The following FETUB variants were observed in gnomAD, a reference collection of about 807,000 sequenced individuals.
FETUB encodes fetuin-B.
Under a neutral mutation model 30.9 loss-of-function variants are expected in FETUB, and 28 were observed. The ratio of observed to expected loss-of-function variants is 0.90; its 90% CI spans 0.67 to 1.24. The LOEUF (loss-of-function observed/expected upper bound fraction) is 1.24, where lower values mean the gene tolerates loss of function less well. FETUB is among the 50% of genes most tolerant of loss of function. The pLI, the probability that FETUB is intolerant of heterozygous loss-of-function variation, is 0.00. For synonymous variants in FETUB, 186 were observed against 175.9 expected (o/e 1.06, Z -0.45); for missense variants, 469 against 455.3 (o/e 1.03, Z -0.27).
intron 5 of FETUB, among the ~76,000 whole-genome samples, chr3:186,650,686 A>T (rs1271634608): frequency 6.6e-6 from 1 of 152,178 alleles, no homozygotes; most frequent in Non-Finnish European, 1.5e-5. Flanking sequence ...AAATCACTGC[A>T]GGTAACAAAT....
upstream of FETUB, among the ~76,000 whole-genome samples, chr3:186,637,014 T>G (rs1716795270): frequency 1.3e-5 from 2 of 152,156 alleles, no homozygotes; most frequent in African/African-American, 4.8e-5. Context: ...ATAGGTTGGA[T>G]GCAAACCCTG....
chr3:186,651,195 T>G (rs1226179251), intron 5 of FETUB, 23 bp from the exon 6 acceptor site: 2 of 1,529,704 alleles, frequency 1.3e-6, no homozygotes, highest in Non-Finnish European at 1.8e-6. Context: ...AATACTCACA[T>G]GACATTGTAT....
chr3:186,650,790 TAAGTA>T (rs1414139386), intron 5 of FETUB, among the ~76,000 whole-genome samples: 1 of 152,208 alleles, frequency 6.6e-6, no homozygotes, highest in Non-Finnish European at 1.5e-5. Context: ...ACTTTACTTT[TAAGTA>T]AAGAGAAATT....
intron 3 of FETUB, among the ~76,000 whole-genome samples, 194 bp from the exon 4 acceptor site, chr3:186,644,556 CT>C (rs768533002): frequency 2.0e-5 from 3 of 152,058 alleles, no homozygotes; most frequent in Non-Finnish European, 2.9e-5. Context: ...GAGGTGAAAA[CT>C]TTGCTTTGTT....
In FETUB at chr3:186,646,366, G is replaced by A. The variant is rs1422061694; in HGVS notation, c.696+17G>A. 2 of 1,566,078 alleles carry A rather than the reference G, an allele frequency of 1.3e-6. No individual in the cohort carries two copies. The highest frequency in any genetic ancestry group is 1.7e-5 in the Admixed American group (1 of 59,912). ...GACTCTGTGGTGAGTTTTCCTGAAT[G>A]TCTTCATAATTTGAGTGTTCACAGA... On this transcript the variant is annotated intron_variant, in intron 5 of 6. Transcript: ENST00000265029.
chr3:186,646,471 C>T, intron 5 of FETUB, 122 bp downstream of exon 5: 1 of 729,690 alleles, frequency 1.4e-6, no homozygotes. Flanking sequence ...CCTCAAGGAG[C>T]ATCTGACTAG....
rs746056838 is a variant in FETUB, at chr3:186,640,542, C to T, written c.82C>T (p.Pro28Ser). ...AMSPPQLALNPSALLSRGCND... is the reference protein window; with the variant it reads ...AMSPPQLALNSSALLSRGCND... ...GTCTCCACCCCAGCTGGCCCTCAAC[C>T]CCTCGGCTCTGCTCTCCCGGGGCTG... is the stretch of plus-strand genomic sequence containing the variant. Residue 28 changes from proline (P) to serine (S), a missense_variant, in exon 1 of 7, where the codon CCC (proline) becomes TCC (serine). Pro to Ser is a moderately conservative substitution (Grantham distance 74, BLOSUM62 -1). Transcript: ENST00000265029. 3.1e-6 allele frequency: 5 copies of T among 1,614,214 alleles called. No homozygotes were observed. The Admixed American group carries it at 5.0e-5, about 16-fold the overall frequency.
intron 5 of FETUB, among the ~76,000 whole-genome samples, chr3:186,647,612 T>C (rs1433248492): frequency 6.6e-6 from 1 of 152,240 alleles, no homozygotes; most frequent in East Asian, 1.9e-4. Context: ...TCTTTTAATG[T>C]GTTTATTATC....
upstream of FETUB, among the ~76,000 whole-genome samples, chr3:186,639,020 G>A (rs1450344984): frequency 2.0e-5 from 3 of 152,162 alleles, no homozygotes; most frequent in Non-Finnish European, 4.4e-5. Context: ...AAATTAATTA[G>A]GGCTGTGCCT....
chr3:186,646,427 T>G, intron 5 of FETUB, 78 bp downstream of exon 5: 1 of 1,080,626 alleles, frequency 9.3e-7, no homozygotes, highest in African/African-American at 1.6e-5. Flanking sequence ...AAATTACATA[T>G]GAGGTGTCAT....
chr3:186,643,493 C>T (rs1257232369), intron 3 of FETUB, among the ~76,000 whole-genome samples: 1 of 152,132 alleles, frequency 6.6e-6, no homozygotes, highest in Non-Finnish European at 1.5e-5. Context: ...GACCTGAGAT[C>T]CTGCATCTCT....
rs1036826691 is a variant in FETUB, at chr3:186,642,257, C to G, written c.337-214C>G. ...TAGAACTCAATTATACACAGTCACA[C>G]GTGTTGGGGAGGCTTGGAAACATAT... is the stretch of plus-strand genomic sequence containing the variant. On this transcript the variant is annotated intron_variant, in intron 2 of 6. Coordinates refer to ENST00000265029, the MANE Select transcript of FETUB (RefSeq NM_014375.3). 56 of 524,440 alleles carry G rather than the reference C, an allele frequency of 1.1e-4. No individual in the cohort carries two copies. In the East Asian group the frequency reaches 1.6e-3, roughly 15 times the overall value. The allele number at this position is 524,440 out of a possible 1,614,324, so 32.5% of individuals were successfully genotyped here.
At chr3:186,643,886 T>C (rs1199248198) in intron 3 of FETUB, among the ~76,000 whole-genome samples, 1 of 152,214 alleles carries the variant, frequency 6.6e-6, no homozygotes, top group Non-Finnish European at 1.5e-5. Context: ...CAAACAGAAA[T>C]CTGACTGTAC....
At chr3:186,636,787 C>T (rs561481797), upstream of FETUB, among the ~76,000 whole-genome samples, 2 of 152,294 alleles carry the variant, frequency 1.3e-5, no homozygotes, top group African/African-American at 4.8e-5. Context: ...ACAGTTTTCG[C>T]CTTTACAGCT....
At chr3:186,650,307 T>G (rs1461863497) in intron 5 of FETUB, among the ~76,000 whole-genome samples, 1 of 152,114 alleles carries the variant, frequency 6.6e-6, no homozygotes, top group Non-Finnish European at 1.5e-5. Context: ...GAGGCAACAT[T>G]TTATTATAAC....
At chr3:186,637,135 G>A (rs760299795), upstream of FETUB, among the ~76,000 whole-genome samples, 6 of 152,226 alleles carry the variant, frequency 3.9e-5, no homozygotes, top group Non-Finnish European at 7.3e-5. Context: ...GGGCTTACAT[G>A]AGAGAAGGAA....
chr3:186,652,076 T>C (rs957348386), intron 6 of FETUB, among the ~76,000 whole-genome samples, 187 bp from the exon 7 acceptor site: 2 of 152,208 alleles, frequency 1.3e-5, no homozygotes, highest in African/African-American at 2.4e-5. Flanking sequence ...GTCAAGCTTC[T>C]ACAGGTCCTG....
At chr3:186,651,170 T>A (rs1718001072) in intron 5 of FETUB, 48 bp from the exon 6 acceptor site, 1 of 1,247,110 alleles carries the variant, frequency 8.0e-7, no homozygotes, top group Non-Finnish European at 1.2e-6. Context: ...TTGATTTCCA[T>A]CTGTGATCAC....
chr3:186,643,916 C>T (rs182045951), intron 3 of FETUB, among the ~76,000 whole-genome samples: 3 of 152,220 alleles, frequency 2.0e-5, no homozygotes, highest in African/African-American at 7.2e-5. Flanking sequence ...TCATTCTACT[C>T]AGTCACACAG....
Sources: allele counts gnomAD v4.1 joint callset (sites outside exome capture counted in the v4.1 genomes callset), GRCh38; gene constraint gnomAD v4.1.1; transcripts MANE v1.5; gene names NCBI Gene and HGNC (gene_info 2026-07-23, HGNC 2026-07-21).